The following DPEP3 variants were observed in gnomAD, a reference collection of about 807,000 sequenced individuals.
DPEP3 encodes the protein dipeptidase 3.
DPEP3 carries 42 observed loss-of-function variants against 47.5 expected under a neutral mutation model. That is an observed-to-expected ratio of 0.88 (90% CI 0.69 to 1.14). The LOEUF is 1.14. DPEP3 is among the 50% of genes most tolerant of loss of function. The probability of loss-of-function intolerance (pLI) is 0.00; values close to 1 mark genes in which losing one functional copy is unlikely to be tolerated. For missense variants in DPEP3, 560 were observed against 635.0 expected (o/e 0.88, Z 1.27); for synonymous variants, 276 against 270.2 (o/e 1.02, Z -0.21).
rs34504376 is a variant in DPEP3 at position 67,978,582 on chromosome 16, G to A, written c.459C>T (p.Ala153=). 14,730 of 1,613,864 alleles carry A rather than the reference G, an allele frequency of 9.1e-3. 688 individuals are homozygous for A. The African/African-American group carries it at 0.13, about 15-fold the overall frequency. Residue 153 remains alanine, a synonymous_variant, in exon 3 of 10, where the codon GCC becomes GCT. Transcript: ENST00000268793. The surrounding 1 kb of genome is among the most constrained non-coding windows in gnomAD (Gnocchi z 4.4). ...CAATCTGCTCCAGGGCGAGGCGCAC[G>A]GCAGTCTGGTCCTGGGACTGGCATG... ...SVSCQSQDQT[A]VRLALEQIDL... is the part of the protein sequence containing the mutation.
At chr16:67,979,905 G>T (rs537466987) in intron 1 of DPEP3, 140 bp from the exon 2 acceptor site, 1 of 1,424,282 alleles carries the variant, frequency 7.0e-7, no homozygotes, top group Non-Finnish European at 9.4e-7. Context: ...GGGTTGGAGG[G>T]AGGGGGTTAG....
At position 67,979,642 on chromosome 16, in the gene DPEP3, G is replaced by T. The variant is rs2031277620; in HGVS notation, c.411C>A (p.Ala137=). The part of the protein sequence containing the change: ...LDRLRDGLVG[A]QFWSASVSCQ... ...ACCCTGTGTGTCCCTGTGGTACCTG[G>T]GCACCCACGAGGCCGTCTCTAAGCC... The change falls in exon 2 of 10, where the codon GCC becomes GCA. Residue 137 remains alanine, a synonymous_variant. Coordinates refer to ENST00000268793, the MANE Select transcript of DPEP3 (RefSeq NM_001370198.1). 3 of 1,613,628 alleles carry T rather than the reference G, an allele frequency of 1.9e-6. No individual in the cohort carries two copies. The highest frequency in any genetic ancestry group is 2.5e-6 in the Non-Finnish European group (3 of 1,179,948).
In DPEP3 at chr16:67,978,486, T is replaced by A; in HGVS notation, c.544+11A>T. On this transcript the variant is annotated intron_variant, in intron 3 of 9. Transcript: ENST00000268793. This position sits in a 1 kb window ranked among gnomAD's most constrained non-coding sequence, Gnocchi z 4.4. Reference sequence around the variant, plus strand: ...AGTGACATCCTGACTACCTCTCATCTGCTGGCCCACCTTCAGCTGAGGTCA... The same window carrying A: ...AGTGACATCCTGACTACCTCTCATCAGCTGGCCCACCTTCAGCTGAGGTCA... 1 of 1,614,078 alleles carries A rather than the reference T, an allele frequency of 6.2e-7. No individual in the cohort carries two copies. The highest frequency in any genetic ancestry group is 8.5e-7 in the Non-Finnish European group (1 of 1,179,942).
At chr16:67,979,874 A>G (rs1183738193) in intron 1 of DPEP3, 109 bp from the exon 2 acceptor site, 4 of 1,494,062 alleles carry the variant, frequency 2.7e-6, no homozygotes, top group African/African-American at 2.8e-5. Flanking sequence ...CACACAGACC[A>G]TATAGAGACC....
At chr16:67,979,442 C>T (rs1394296985) in intron 2 of DPEP3, among the ~76,000 whole-genome samples, 197 bp downstream of exon 2, 2 of 152,256 alleles carry the variant, frequency 1.3e-5, no homozygotes, top group Non-Finnish European at 2.9e-5. Flanking sequence ...TCATTTTCTG[C>T]GTGTTTCCAC....
At chr16:67,979,820 C>T (rs1344085637) in intron 1 of DPEP3, 55 bp from the exon 2 acceptor site, 78 of 1,603,716 alleles carry the variant, frequency 4.9e-5, no homozygotes, top group Non-Finnish European at 6.5e-5. Context: ...CAGGATATAT[C>T]AGGTGCTTGG....
intron 5 of DPEP3, 26 bp downstream of exon 5, chr16:67,977,912 T>A: frequency 6.2e-7 from 1 of 1,613,704 alleles, no homozygotes; most frequent in Non-Finnish European, 8.5e-7. Context: ...AGCAGGTGGG[T>A]TGGGGTACAA....
Position 67,978,217 on chromosome 16 carries a change from G to A in DPEP3, c.686+50C>T. 6.2e-7 allele frequency: 1 copy of A among 1,612,032 alleles called. No homozygotes were observed. Among genetic ancestry groups the A allele is most frequent in the Non-Finnish European group, 8.5e-7 (1 of 1,178,674 alleles). On this transcript the variant is annotated intron_variant, in intron 4 of 9. Coordinates refer to ENST00000268793, the MANE Select transcript of DPEP3 (RefSeq NM_001370198.1). This position sits in a 1 kb window ranked among gnomAD's most constrained non-coding sequence, Gnocchi z 4.4. Reference sequence around the variant, plus strand: ...TGGTCACACCCATGCCAGGAATGGGGCAGTTTCCACACCATGCCATCTAGC... The same window carrying A: ...TGGTCACACCCATGCCAGGAATGGGACAGTTTCCACACCATGCCATCTAGC...
chr16:67,977,533 A>T, intron 6 of DPEP3, 120 bp downstream of exon 6: 2 of 1,349,280 alleles, frequency 1.5e-6, no homozygotes, highest in Non-Finnish European at 2.0e-6. Context: ...TCAGGGATGG[A>T]GGAGGATTAA....
chr16:67,979,515 C>G, intron 2 of DPEP3, 124 bp downstream of exon 2: 5 of 1,437,250 alleles, frequency 3.5e-6, no homozygotes, highest in Non-Finnish European at 4.7e-6. Context: ...TCCTTAGAAA[C>G]CACATGATGG....
rs768008423 is a variant in DPEP3, at chr16:67,975,796, G to C, written c.1436C>G (p.Thr479Ser). ...YLVPGLVAAA[T>S]IPTFTQWLC is the part of the protein sequence containing the mutation. ...GAGCCACTGGGTGAAGGTTGGGATG[G>C]TGGCAGCAGCCACAAGGCCTGGAAC... Residue 479 changes from threonine to serine, a missense_variant, in exon 10 of 10, where the codon ACC becomes AGC. By Grantham distance (58) the Thr-to-Ser change is moderately conservative. Coordinates refer to ENST00000268793, the MANE Select transcript of DPEP3 (RefSeq NM_001370198.1). 1.2e-6 allele frequency: 2 copies of C among 1,613,670 alleles called. No individual in the cohort carries two copies. Among genetic ancestry groups the C allele is most frequent in the Non-Finnish European group, 1.7e-6 (2 of 1,179,788 alleles).
chr16:67,980,338 G>A lies in DPEP3; in HGVS notation c.43C>T (p.Arg15Trp), dbSNP rs1391316233. ...AGGAGCAGCAGACGCCGCAGATACC[G>A]CCGGCTGAGCGCGCGGGAACCCTCG... is the stretch of plus-strand genomic sequence containing the variant. ...GREGSRALSR[R>W]YLRRLLLLLL... The change falls in exon 1 of 10, where the codon CGG becomes TGG. Residue 15 changes from arginine (R) to tryptophan (W), a missense_variant. Transcript: ENST00000268793. 1.3e-6 allele frequency: 2 copies of A among 1,550,806 alleles called. No individual in the cohort carries two copies. Among genetic ancestry groups the A allele is most frequent in the Non-Finnish European group, 8.7e-7 (1 of 1,148,418 alleles).
In DPEP3 at chr16:67,980,375, C is replaced by T; in HGVS notation, c.6G>A (p.Gln2=). The T allele has an allele frequency of 6.5e-7, 1 of 1,531,760 alleles. No individual in the cohort carries two copies. Among genetic ancestry groups the T allele is most frequent in the Non-Finnish European group, 8.8e-7 (1 of 1,138,908 alleles). 94.9% of individuals were successfully genotyped at this position (1,531,760 alleles called of 1,614,324 possible). The stretch of plus-strand genomic sequence containing the variant: ...CGCGGGAACCCTCGCGGCCCGTGGG[C>T]TGCATGTTGCGCGGGGGTCGGCCGC... M[Q]PTGREGSRAL... The change falls in exon 1 of 10, where the codon CAG becomes CAA. Residue 2 remains glutamine, a synonymous_variant. Coordinates refer to ENST00000268793, the MANE Select transcript of DPEP3 (RefSeq NM_001370198.1).
chr16:67,977,183 C>G, intron 7 of DPEP3, 87 bp downstream of exon 7: 1 of 1,236,480 alleles, frequency 8.1e-7, no homozygotes, highest in Non-Finnish European at 1.2e-6. Flanking sequence ...CATTGCCCAA[C>G]AGGTGCACTA....
intron 7 of DPEP3, among the ~76,000 whole-genome samples, 173 bp downstream of exon 7, chr16:67,977,097 A>G (rs901558515): frequency 6.6e-6 from 1 of 152,142 alleles, no homozygotes; most frequent in African/African-American, 2.4e-5. Flanking sequence ...ACACATCAGC[A>G]CTGACTCTGT....
chr16:67,980,040 C>G, intron 1 of DPEP3, 54 bp downstream of exon 1: 1 of 1,552,306 alleles, frequency 6.4e-7, no homozygotes, highest in Non-Finnish European at 8.7e-7. Flanking sequence ...AGAACCTCCT[C>G]TCCTGCCCAA....
Position 67,975,988 on chromosome 16 carries a change from C to T in DPEP3, c.1244G>A (p.Ser415Asn). The change falls in exon 10 of 10, where the codon AGC (serine) becomes AAC (asparagine). Residue 415 changes from serine to asparagine, a missense_variant. Physicochemically the swap from Ser to Asn is conservative, Grantham distance 46. Transcript: ENST00000268793. Reference sequence around the variant, plus strand: ...AGCCTCCACGGGGCTCTGCGCCCTGCTCTCCTCTCTCACCTGGGGGAGGAA... The same window carrying T: ...AGCCTCCACGGGGCTCTGCGCCCTGTTCTCCTCTCTCACCTGGGGGAGGAA... ...FRQVEKVREESRAQSPVEAEF... is the reference protein window; with the variant it reads ...FRQVEKVREENRAQSPVEAEF... 1.2e-6 allele frequency: 2 copies of T among 1,613,938 alleles called. No individual in the cohort carries two copies. Among genetic ancestry groups the T allele is most frequent in the South Asian group, 1.1e-5 (1 of 91,086 alleles).
Position 67,977,645 on chromosome 16 carries a change from C to T in DPEP3, c.933+8G>A. 6.2e-7 allele frequency: 1 copy of T among 1,607,316 alleles called. No homozygotes were observed. Among genetic ancestry groups the T allele is most frequent in the Non-Finnish European group, 8.5e-7 (1 of 1,176,888 alleles). On this transcript the variant is annotated splice_region_variant and intron_variant, in intron 6 of 9. Transcript: ENST00000268793. ...ATGCCTAGTTTGAGAGCTGGGATGG[C>T]CACTCACCAGAAGCTGCAGGATATC...
chr16:67,979,223 T>C (rs1309466641), intron 2 of DPEP3, among the ~76,000 whole-genome samples: 2 of 152,136 alleles, frequency 1.3e-5, no homozygotes, highest in African/African-American at 2.4e-5. Flanking sequence ...GGAGAATTGC[T>C]TGAACCCGGG....
Sources: gnomAD v4.1 joint callset for allele counts (sites outside exome capture counted in the v4.1 genomes callset) on GRCh38, gnomAD v4.1.1 for gene constraint, Gnocchi (gnomAD v3.1) non-coding constraint, MANE v1.5 for transcripts, NCBI Gene and HGNC (gene_info 2026-07-23, HGNC 2026-07-21) for gene names.